Variants in KANK4 observed in about 807,000 individuals in gnomAD.
KANK4 encodes the protein KN motif and ankyrin repeat domains 4, also known as KN motif and ankyrin repeat domain-containing protein 4.
KANK4 carries 50 observed loss-of-function variants against 80.8 expected under a neutral mutation model. The ratio of observed to expected loss-of-function variants is 0.62; its 90% CI spans 0.49 to 0.78. The LOEUF (loss-of-function observed/expected upper bound fraction) is 0.78, where lower values mean the gene tolerates loss of function less well. Among genes scored for constraint, KANK4 ranks in the 30% least tolerant of loss-of-function variants. KANK4 has a pLI of 0.00. For missense variants in KANK4, 1,196 were observed against 1,240.1 expected, an observed-to-expected ratio of 0.96 and a Z score of 0.53; for synonymous variants, 465 against 506.9, an observed-to-expected ratio of 0.92 and a Z score of 1.11.
rs144931365 is a variant in KANK4, at chr1:62,285,283, C to T, written c.-70-3649G>A. On this transcript the variant is annotated intron_variant, in intron 1 of 9. Coordinates refer to ENST00000371153, the MANE Select transcript of KANK4 (RefSeq NM_181712.5). ...AGCAAAGAAGTGGTCACTTGGCAGA[C>T]AGCGATGATAGTCCACGTGCAGCTA... Among the ~76,000 whole-genome samples, 3 of 152,310 alleles carry T rather than the reference C, an allele frequency of 2.0e-5. No individual in the cohort carries two copies. In the East Asian group the frequency reaches 5.8e-4, roughly 29 times the overall value.
chr1:62,265,528 C>G (rs529352440), intron 6 of KANK4, among the ~76,000 whole-genome samples: 1 of 152,330 alleles, frequency 6.6e-6, no homozygotes, highest in South Asian at 2.1e-4. Context: ...AGGCGTGAGA[C>G]ACTGGCCCTG....
intron 6 of KANK4, 50 bp from the exon 7 acceptor site, chr1:62,263,361 G>T: frequency 6.8e-7 from 1 of 1,466,782 alleles, no homozygotes; most frequent in Non-Finnish European, 9.4e-7. Context: ...GCCAGCAAGA[G>T]TTCCTCCCTT....
chr1:62,260,332 C>G (rs1671854528), intron 7 of KANK4, among the ~76,000 whole-genome samples: 1 of 151,798 alleles, frequency 6.6e-6, no homozygotes, highest in African/African-American at 2.4e-5. Flanking sequence ...TCCTTTTTCT[C>G]TCCCTCTCTC....
intron 1 of KANK4, among the ~76,000 whole-genome samples, chr1:62,306,714 A>C (rs1009568067): frequency 7.2e-5 from 11 of 152,082 alleles, no homozygotes; most frequent in African/African-American, 2.7e-4. Flanking sequence ...AATAATTTTT[A>C]ATAAAAAAAT....
chr1:62,308,859 G>C (rs1041001560), intron 1 of KANK4, among the ~76,000 whole-genome samples: 4 of 152,330 alleles, frequency 2.6e-5, no homozygotes, highest in African/African-American at 7.2e-5. Context: ...CTCCCACCCA[G>C]ACTTGGCATC....
At chr1:62,318,311 A>G (rs2149178090) in intron 1 of KANK4, among the ~76,000 whole-genome samples, 1 of 152,350 alleles carries the variant, frequency 6.6e-6, no homozygotes, top group South Asian at 2.1e-4. Flanking sequence ...GCCCCGAAGG[A>G]TGCCCAGGGC....
chr1:62,239,707 C>A (rs913457727), intron 9 of KANK4, among the ~76,000 whole-genome samples: 4 of 152,050 alleles, frequency 2.6e-5, no homozygotes, highest in Admixed American at 1.3e-4. Context: ...ATGTTCCCTG[C>A]CCTGTGTCCA....
intron 1 of KANK4, among the ~76,000 whole-genome samples, chr1:62,288,605 TC>T (rs1468031851): frequency 6.6e-6 from 1 of 152,130 alleles, no homozygotes; most frequent in Non-Finnish European, 1.5e-5. Context: ...GGTGCAGCCA[TC>T]CAGGAGGGAA....
chr1:62,296,937 C>G (rs1644369191), intron 1 of KANK4, among the ~76,000 whole-genome samples: 1 of 152,084 alleles, frequency 6.6e-6, no homozygotes, highest in Admixed American at 6.5e-5. Context: ...TAGTACTAGG[C>G]CAGGCTCAGT....
At chr1:62,316,795 T>C (rs779260031) in intron 1 of KANK4, among the ~76,000 whole-genome samples, 1 of 152,218 alleles carries the variant, frequency 6.6e-6, no homozygotes, top group African/African-American at 2.4e-5. Flanking sequence ...ACACCTTCTA[T>C]GTGCCCTGCT....
chr1:62,262,245 T>A (rs1671903812), intron 7 of KANK4, among the ~76,000 whole-genome samples: 1 of 152,148 alleles, frequency 6.6e-6, no homozygotes, highest in African/African-American at 2.4e-5. Flanking sequence ...ACCAGCGCTG[T>A]AACTTGAGCA....
chr1:62,274,073 C>A lies in KANK4; in HGVS notation c.1031G>T (p.Ser344Ile). The A allele has an allele frequency of 3.1e-6, 5 of 1,614,200 alleles. No individual in the cohort carries two copies. Among genetic ancestry groups the A allele is most frequent in the Non-Finnish European group, 4.2e-6 (5 of 1,180,038 alleles). ...LARVDPGSIS[S>I]LKQQVSALEG... is the part of the protein sequence containing the mutation. ...CAGGGCCGAGACCTGCTGTTTCAGG[C>A]TGGAGATGCTGCCTGGATCCACCCT... The change falls in exon 3 of 10, where the codon AGC becomes ATC. Residue 344 changes from serine (S) to isoleucine (I), a missense_variant. By Grantham distance (142) the Ser-to-Ile change is moderately radical (BLOSUM62 -2). Transcript: ENST00000371153.
At chr1:62,255,517 T>A (rs895161768) in intron 7 of KANK4, among the ~76,000 whole-genome samples, 1 of 151,822 alleles carries the variant, frequency 6.6e-6, no homozygotes, top group African/African-American at 2.4e-5. Context: ...CAAGCAATCC[T>A]TCCTTATGTA....
At chr1:62,246,649 G>A (rs941038507) in intron 9 of KANK4, among the ~76,000 whole-genome samples, 4 of 152,006 alleles carry the variant, frequency 2.6e-5, no homozygotes, top group African/African-American at 4.8e-5. Flanking sequence ...CCAGGCTGGA[G>A]TGCAGTGGCC....
intron 2 of KANK4, among the ~76,000 whole-genome samples, chr1:62,276,183 A>T (rs1672310067): frequency 6.6e-6 from 1 of 152,182 alleles, no homozygotes; most frequent in Admixed American, 6.5e-5. Context: ...GAAACAAGCC[A>T]GTCCTTCGAC....
At chr1:62,282,296 T>C (rs1450030455) in intron 1 of KANK4, among the ~76,000 whole-genome samples, 1 of 152,164 alleles carries the variant, frequency 6.6e-6, no homozygotes, top group African/African-American at 2.4e-5. Context: ...CCATAAATTC[T>C]CCCCAAAGTT....
chr1:62,289,729 A>T (rs1672642400), intron 1 of KANK4, among the ~76,000 whole-genome samples: 2 of 152,218 alleles, frequency 1.3e-5, no homozygotes, highest in African/African-American at 4.8e-5. Context: ...AATAAAAAAT[A>T]AATTATTTGG....
chr1:62,268,411 C>A lies in KANK4; in HGVS notation c.2107G>T (p.Asp703Tyr). The A allele has an allele frequency of 6.2e-7, 1 of 1,614,030 alleles. No homozygotes were observed. Reference protein sequence around the residue: ...SEAEKKCDGPDHKHVKDAHLT... With the variant: ...SEAEKKCDGPYHKHVKDAHLT... ...TGGGCATCTTTGACATGCTTGTGAT[C>A]TGGGCCGTCACACTTCTTCTCTGCC... The change falls in exon 5 of 10, where the codon GAT (aspartate) becomes TAT (tyrosine). Residue 703 changes from aspartate (D) to tyrosine (Y), a missense_variant. Physicochemically the swap from Asp to Tyr is radical, Grantham distance 160. This residue lies in a region of KANK4 where 1,154 missense variants were observed against 1,179.6 expected (regional missense o/e 0.98). Transcript: ENST00000371153.
chr1:62,262,054 T>C (rs1166130289), intron 7 of KANK4, among the ~76,000 whole-genome samples: 2 of 152,236 alleles, frequency 1.3e-5, no homozygotes, highest in Admixed American at 6.5e-5. Flanking sequence ...ATGGACCTCA[T>C]GTGTAGTCAA....
Sources: allele counts gnomAD v4.1 joint callset (sites outside exome capture counted in the v4.1 genomes callset), GRCh38; gene constraint gnomAD v4.1.1; regional missense constraint gnomAD v4.1.1; transcripts MANE v1.5; gene names NCBI Gene and HGNC (gene_info 2026-07-23, HGNC 2026-07-21).